Variants in AATF observed in about 807,000 individuals in gnomAD.
AATF encodes the protein apoptosis antagonizing transcription factor, also known as protein AATF.
A neutral mutation model predicts 63.7 loss-of-function variants in AATF; 48 were observed. The ratio of observed to expected loss-of-function variants is 0.75; its 90% CI spans 0.60 to 0.96. AATF has a LOEUF of 0.96. AATF is among the 40% of genes least tolerant of loss of function. AATF has a pLI of 0.00. For missense variants in AATF, 639 were observed against 685.7 expected, an observed-to-expected ratio of 0.93 and a Z score of 0.76; for synonymous variants, 258 against 247.7, an observed-to-expected ratio of 1.04 and a Z score of -0.39.
intron 2 of AATF, among the ~76,000 whole-genome samples, chr17:36,951,214 A>C (rs2070852402): frequency 6.6e-6 from 1 of 152,202 alleles, no homozygotes; most frequent in Non-Finnish European, 1.5e-5. Context: ...GAATCCACAG[A>C]TAATATAAAA....
chr17:36,955,457 CTT>C (rs1034227982), intron 4 of AATF, among the ~76,000 whole-genome samples: 3 of 152,154 alleles, frequency 2.0e-5, no homozygotes, highest in African/African-American at 7.2e-5. Context: ...CCGCCCCTGT[CTT>C]TGCCTCCTTT....
chr17:36,983,171 A>G (rs1229824368), intron 4 of AATF, among the ~76,000 whole-genome samples: 2 of 152,026 alleles, frequency 1.3e-5, no homozygotes, highest in African/African-American at 4.8e-5. Flanking sequence ...CCTCCCAAGT[A>G]GCTAGGACTA....
At chr17:37,036,105 A>C (rs911194263) in intron 11 of AATF, among the ~76,000 whole-genome samples, 4 of 152,178 alleles carry the variant, frequency 2.6e-5, no homozygotes, top group Non-Finnish European at 5.9e-5. Flanking sequence ...TAATTGTGGT[A>C]AAATACATGA....
chr17:36,958,275 G>T (rs778976105), intron 4 of AATF, among the ~76,000 whole-genome samples: 3 of 151,876 alleles, frequency 2.0e-5, no homozygotes, highest in Non-Finnish European at 4.4e-5. Flanking sequence ...CGATTCTCCT[G>T]TCTCTGCCTC....
intron 8 of AATF, among the ~76,000 whole-genome samples, chr17:37,006,889 G>A (rs1478747709): frequency 1.3e-5 from 2 of 152,196 alleles, no homozygotes; most frequent in East Asian, 1.9e-4. Flanking sequence ...ATGCTGCAAC[G>A]CAGAATCAAA....
chr17:36,988,562 A>G lies in AATF; in HGVS notation c.991A>G (p.Lys331Glu). Residue 331 changes from lysine (K) to glutamate (E), a missense_variant, in exon 6 of 12, where the codon AAG (lysine) becomes GAG (glutamate). Transcript: ENST00000619387. ...AGATGATGAGCTGGTAGAAGAGAAG[A>G]AGCAGCAACGAAGAAGGGTCCCTGC... is the stretch of plus-strand genomic sequence containing the variant. Reference protein sequence around the residue: ...SEDDELVEEKKQQRRRVPAKR... With the variant: ...SEDDELVEEKEQQRRRVPAKR... 6.2e-7 allele frequency: 1 copy of G among 1,614,190 alleles called. No homozygotes were observed. Among genetic ancestry groups the G allele is most frequent in the Non-Finnish European group, 8.5e-7 (1 of 1,180,030 alleles).
chr17:36,950,050 T>G (rs565803560), intron 1 of AATF, among the ~76,000 whole-genome samples, 164 bp from the exon 2 acceptor site: 1 of 152,358 alleles, frequency 6.6e-6, no homozygotes, highest in East Asian at 1.9e-4. Flanking sequence ...GAAACAGCAG[T>G]AAGACAGTGT....
At chr17:37,031,503 A>T in intron 10 of AATF, 111 bp from the exon 11 acceptor site, 1 of 900,590 alleles carries the variant, frequency 1.1e-6, no homozygotes, top group Non-Finnish European at 1.9e-6. Context: ...CCCACTTTGT[A>T]CCCAGATGTT....
At chr17:36,986,506 C>G (rs2142245346) in intron 4 of AATF, 111 bp from the exon 5 acceptor site, 1 of 784,784 alleles carries the variant, frequency 1.3e-6, no homozygotes, top group South Asian at 1.5e-5. Context: ...TCCTGTGCCT[C>G]CCCTTCACTC....
intron 4 of AATF, among the ~76,000 whole-genome samples, chr17:36,969,329 C>A: frequency 6.6e-6 from 1 of 152,082 alleles, no homozygotes; most frequent in East Asian, 1.9e-4. Context: ...TCAGCTTAGT[C>A]CCCCTGTTTT....
At chr17:37,000,374 A>G (rs983556665) in intron 8 of AATF, among the ~76,000 whole-genome samples, 2 of 152,270 alleles carry the variant, frequency 1.3e-5, no homozygotes, top group East Asian at 1.9e-4. Flanking sequence ...TTGGGAAAAA[A>G]CAGTGAGAGA....
intron 2 of AATF, among the ~76,000 whole-genome samples, chr17:36,952,669 A>G (rs1310191329): frequency 1.3e-5 from 2 of 152,138 alleles, no homozygotes; most frequent in Non-Finnish European, 2.9e-5. Context: ...CTTTCCCACT[A>G]GCTCCTTTTG....
At chr17:37,008,867 A>G (rs1187574064) in intron 8 of AATF, among the ~76,000 whole-genome samples, 1 of 152,210 alleles carries the variant, frequency 6.6e-6, no homozygotes, top group Non-Finnish European at 1.5e-5. Flanking sequence ...ACACACTGTA[A>G]CTGAAATTAA....
intron 8 of AATF, among the ~76,000 whole-genome samples, chr17:37,009,823 C>CAAAAAAA (rs1160362372): frequency 0.016 from 468 of 28,750 alleles, 41 homozygotes; most frequent in East Asian, 0.046. Context: ...GACTCCGTCT[C>CAAAAAAA]AAAAAAAAAA....
chr17:37,031,837 T>A lies in AATF; in HGVS notation c.1619+152T>A, dbSNP rs2142301526. The A allele has an allele frequency of 8.9e-6, 6 of 674,806 alleles. No homozygotes were observed. The South Asian group carries it at 1.0e-4, about 12-fold the overall frequency. 41.8% of individuals were successfully genotyped at this position (674,806 alleles called of 1,614,324 possible). On this transcript the variant is annotated intron_variant, in intron 11 of 11. Coordinates refer to ENST00000619387, the MANE Select transcript of AATF (RefSeq NM_012138.4). ...GGTCACATCTCTTCACCCTCATAAT[T>A]ACTATAAAACCAAACCAAAAACTTG...
chr17:37,017,785 G>A (rs527903637), intron 8 of AATF, among the ~76,000 whole-genome samples: 1 of 152,118 alleles, frequency 6.6e-6, no homozygotes, highest in East Asian at 1.9e-4. Context: ...TTTTGGAAGT[G>A]AATATTTTTT....
At chr17:37,005,264 A>C (rs767760705) in intron 8 of AATF, among the ~76,000 whole-genome samples, 11 of 152,192 alleles carry the variant, frequency 7.2e-5, no homozygotes, top group Non-Finnish European at 1.5e-4. Flanking sequence ...CGACAAAAGG[A>C]TAGCTTGCAG....
At chr17:37,050,703 G>A (rs1451315881) in intron 11 of AATF, among the ~76,000 whole-genome samples, 3 of 152,260 alleles carry the variant, frequency 2.0e-5, no homozygotes, top group Non-Finnish European at 2.9e-5. Context: ...CTTGCCTGCC[G>A]TGTGCTTTCT....
intron 11 of AATF, among the ~76,000 whole-genome samples, chr17:37,047,655 T>C (rs1410906521): frequency 1.3e-5 from 2 of 152,200 alleles, no homozygotes; most frequent in Admixed American, 1.3e-4. Context: ...GGCTAAAAGC[T>C]TTTCCAGAGG....
Sources: gnomAD v4.1 joint callset for allele counts (sites outside exome capture counted in the v4.1 genomes callset) on GRCh38, gnomAD v4.1.1 for gene constraint, MANE v1.5 for transcripts, NCBI Gene and HGNC (gene_info 2026-07-23, HGNC 2026-07-21) for gene names.